Variants in FAM53B observed in about 807,000 individuals in gnomAD.
FAM53B encodes protein FAM53B.
A neutral mutation model predicts 32.7 loss-of-function variants in FAM53B; 12 were observed. The ratio of observed to expected loss-of-function variants is 0.37; its 90% CI spans 0.24 to 0.59. The LOEUF (loss-of-function observed/expected upper bound fraction) is 0.59. FAM53B is among the 20% of genes least tolerant of loss of function. The pLI is 0.72. For missense variants in FAM53B, 477 were observed against 577.7 expected (o/e 0.83, Z 1.79); for synonymous variants, 234 against 228.7 (o/e 1.02, Z -0.21).
At chr10:124,632,756 G>T (rs1949399816) in intron 4 of FAM53B, among the ~76,000 whole-genome samples, 1 of 152,236 alleles carries the variant, frequency 6.6e-6, no homozygotes. Flanking sequence ...GCAGACAGAG[G>T]CCGAGTGAGG....
chr10:124,699,441 C>T (rs866684723), intron 2 of FAM53B, among the ~76,000 whole-genome samples: 16 of 152,350 alleles, frequency 1.1e-4, no homozygotes, highest in Admixed American at 5.2e-4. Flanking sequence ...AGCCGCCCTG[C>T]AGGCTAGCCT....
chr10:124,659,524 G>T (rs895494380), intron 4 of FAM53B, among the ~76,000 whole-genome samples: 12 of 152,250 alleles, frequency 7.9e-5, no homozygotes, highest in Admixed American at 2.6e-4. Context: ...GCTGGCTGCT[G>T]CAGGTTTCTC....
intron 4 of FAM53B, among the ~76,000 whole-genome samples, chr10:124,630,512 A>G (rs1949384115): frequency 6.6e-6 from 1 of 152,166 alleles, no homozygotes; most frequent in African/African-American, 2.4e-5. Context: ...CTGAGTCTGG[A>G]CTGCCTCCTT....
chr10:124,657,106 ATATG>A (rs1180715508), intron 4 of FAM53B, among the ~76,000 whole-genome samples: 10 of 107,058 alleles, frequency 9.3e-5, no homozygotes, highest in Non-Finnish European at 1.9e-4. Context: ...ATGTGTATAT[ATATG>A]TGTGTGTGTA....
intron 1 of FAM53B, among the ~76,000 whole-genome samples, chr10:124,732,283 C>T (rs1366509255): frequency 2.6e-5 from 4 of 152,246 alleles, no homozygotes; most frequent in Admixed American, 2.6e-4. Flanking sequence ...TGGCTGCCTC[C>T]CATAAGGGAT....
chr10:124,635,236 G>A (rs958895664), intron 4 of FAM53B, among the ~76,000 whole-genome samples: 1 of 152,130 alleles, frequency 6.6e-6, no homozygotes. Context: ...GGGAAAACAG[G>A]GCCCGCCACC....
chr10:124,682,087 T>C lies in FAM53B; in HGVS notation c.426A>G (p.Glu142=), dbSNP rs143661422. The stretch of plus-strand genomic sequence containing the variant: ...TGCCCCCGCTGTAGCAGCGTCTCTT[T>C]TCCACGGGAGTCCAGACTTTGGAGC... ...PLGSKVWTPV[E]KRRCYSGGSV... Residue 142 remains glutamate (E), a synonymous_variant, in exon 4 of 5, where the codon GAA becomes GAG. Coordinates refer to ENST00000337318, the MANE Select transcript of FAM53B (RefSeq NM_014661.4). This position sits in a 1 kb window ranked among gnomAD's most constrained non-coding sequence, Gnocchi z 5.2. 15 of 1,613,814 alleles carry C rather than the reference T, an allele frequency of 9.3e-6. No individual in the cohort carries two copies. The highest frequency in any genetic ancestry group is 1.7e-5 in the Admixed American group (1 of 59,982).
intron 1 of FAM53B, chr10:124,742,854 G>A (rs1177883323): frequency 3.9e-5 from 6 of 152,250 alleles, no homozygotes; most frequent in African/African-American, 1.2e-4. Context: ...TAACACCACC[G>A]AGTCCGGAGA....
In FAM53B at chr10:124,743,690, C is replaced by T. The variant is rs1950213689; in HGVS notation, c.-175+323G>A. Among the ~76,000 whole-genome samples the T allele has an allele frequency of 2.0e-5, 3 of 151,986 alleles. No homozygotes were observed. The South Asian group carries it at 6.2e-4, about 31-fold the overall frequency. On this transcript the variant is annotated intron_variant, in intron 1 of 4. Transcript: ENST00000337318. ...CCCCCGGGCGCAGCAGTCCCCGCGCCCGCCCGCCCTGGCCTGGGGAGCGCA... is the reference window on the plus strand; with the variant it reads ...CCCCCGGGCGCAGCAGTCCCCGCGCTCGCCCGCCCTGGCCTGGGGAGCGCA...
chr10:124,693,692 G>A (rs1054281299), intron 3 of FAM53B, among the ~76,000 whole-genome samples: 4 of 152,110 alleles, frequency 2.6e-5, no homozygotes, highest in East Asian at 1.9e-4. Flanking sequence ...GTGTGTGGCC[G>A]TCTCCTTAAA....
chr10:124,722,688 TA>T (rs1950076692), intron 1 of FAM53B, among the ~76,000 whole-genome samples: 1 of 152,192 alleles, frequency 6.6e-6, no homozygotes, highest in South Asian at 2.1e-4. Flanking sequence ...AAAAATACTG[TA>T]TTTTTATACA....
chr10:124,646,003 AGGCCAAACAGGTAACAG>A (rs1299466348), intron 4 of FAM53B, among the ~76,000 whole-genome samples: 1 of 152,040 alleles, frequency 6.6e-6, no homozygotes, highest in African/African-American at 2.4e-5. Flanking sequence ...TTCCTGTCTG[AGGCCAAACAGGTAACAG>A]GGCCTCAGGG....
At chr10:124,628,875 C>T (rs187203105) in intron 4 of FAM53B, among the ~76,000 whole-genome samples, 11 of 152,340 alleles carry the variant, frequency 7.2e-5, no homozygotes, top group Admixed American at 1.3e-4. Flanking sequence ...GGCTGAGAAG[C>T]GACTTCAGCT....
At chr10:124,671,100 G>A (rs866851711) in intron 4 of FAM53B, 4 of 443,754 alleles carry the variant, frequency 9.0e-6, no homozygotes, top group African/African-American at 6.0e-5. Context: ...AGAGGCAGCC[G>A]TACATCTCCC....
At chr10:124,677,910 G>C (rs1030295658) in intron 4 of FAM53B, among the ~76,000 whole-genome samples, 4 of 152,210 alleles carry the variant, frequency 2.6e-5, no homozygotes, top group African/African-American at 7.2e-5. Flanking sequence ...TCTGACAAGG[G>C]GGGGTGAATC....
intron 4 of FAM53B, among the ~76,000 whole-genome samples, chr10:124,669,387 CCTCT>C (rs1399402007): frequency 2.6e-5 from 4 of 152,232 alleles, no homozygotes. Flanking sequence ...GGCCACAGAG[CCTCT>C]CTCTGAGCCC....
At chr10:124,714,772 A>C (rs1011876303) in intron 1 of FAM53B, among the ~76,000 whole-genome samples, 5 of 151,786 alleles carry the variant, frequency 3.3e-5, no homozygotes, top group Non-Finnish European at 4.4e-5. Context: ...AAAAAAAAAA[A>C]AAAAAAAGAA....
At chr10:124,661,056 T>TA (rs57830542) in intron 4 of FAM53B, among the ~76,000 whole-genome samples, 5,904 of 130,424 alleles carry the variant, frequency 0.045, 188 homozygotes, top group East Asian at 0.12. Flanking sequence ...CTACTGAAAT[T>TA]AAAAAAAAAA....
intron 4 of FAM53B, among the ~76,000 whole-genome samples, chr10:124,647,262 G>A (rs1017446013): frequency 1.4e-4 from 22 of 152,310 alleles, no homozygotes; most frequent in African/African-American, 4.8e-4. Flanking sequence ...GGGACTCTGA[G>A]TCTAAGTGAC....
Sources: gnomAD v4.1 joint callset for allele counts (sites outside exome capture counted in the v4.1 genomes callset) on GRCh38, gnomAD v4.1.1 for gene constraint, Gnocchi (gnomAD v3.1) non-coding constraint, MANE v1.5 for transcripts, NCBI Gene and HGNC (gene_info 2026-07-23, HGNC 2026-07-21) for gene names.